The following ZNF235 variants were observed in gnomAD, a reference collection of about 807,000 sequenced individuals.
The protein encoded by ZNF235 is zinc finger protein 235.
A neutral mutation model predicts 29.4 loss-of-function variants in ZNF235; 25 were observed. The ratio of observed to expected loss-of-function variants is 0.85; its 90% confidence interval spans 0.62 to 1.19. The LOEUF is 1.19. ZNF235 is among the 50% of genes most tolerant of loss of function. ZNF235 has a pLI of 0.00. For synonymous variants in ZNF235, 300 were observed against 295.3 expected (o/e 1.02, Z -0.16); for missense variants, 788 against 885.0 (o/e 0.89, Z 1.39).
At chr19:44,304,399 G>A (rs1975799974) in intron 1 of ZNF235, among the ~76,000 whole-genome samples, 1 of 152,140 alleles carries the variant, frequency 6.6e-6, no homozygotes, top group African/African-American at 2.4e-5. Context: ...ACTAATTCCT[G>A]TCTCCTAAAC....
At position 44,295,766 on chromosome 19, in the gene ZNF235, G is replaced by A. The variant is rs149297857; in HGVS notation, c.238+3042C>T. 2.0e-5 allele frequency among the ~76,000 whole-genome samples: 3 copies of A among 152,210 alleles called. No individual in the cohort carries two copies. The East Asian group carries it at 5.8e-4, about 29-fold the overall frequency. ...ATACACAGATCAATGGAATAGAAAAGAGAACCCAGAAATAAGTCACATACC... is the reference window on the plus strand; with the variant it reads ...ATACACAGATCAATGGAATAGAAAAAAGAACCCAGAAATAAGTCACATACC... On this transcript the variant is annotated intron_variant, in intron 4 of 4. Transcript: ENST00000291182.
intron 2 of ZNF235, 132 bp downstream of exon 2, chr19:44,303,258 G>A (rs1426899957): frequency 1.3e-5 from 9 of 702,774 alleles, no homozygotes; most frequent in South Asian, 5.0e-5. Context: ...GAAATAAAAG[G>A]CAACAACCTG....
At chr19:44,295,692 A>T (rs1975645045) in intron 4 of ZNF235, among the ~76,000 whole-genome samples, 1 of 152,210 alleles carries the variant, frequency 6.6e-6, no homozygotes, top group South Asian at 2.1e-4. Context: ...TTCAAATTAC[A>T]CTACATGGCT....
rs61737033 is a variant in ZNF235, at chr19:44,287,977, T to C, written c.1458A>G (p.Pro486=). ...CCTTACCACACTCTTCACATTTATA[T>C]GGTTTTTCTCCTGTGTGGACTCGTT... ...SHQRVHTGEK[P]YKCEECGKGF... Residue 486 remains proline, a synonymous_variant, in exon 5 of 5, where the codon CCA becomes CCG. Coordinates refer to ENST00000291182, the MANE Select transcript of ZNF235 (RefSeq NM_004234.4). 28 of 1,614,022 alleles carry C rather than the reference T, an allele frequency of 1.7e-5. No homozygotes were observed. The African/African-American group carries it at 3.5e-4, about 20-fold the overall frequency.
intron 4 of ZNF235, among the ~76,000 whole-genome samples, chr19:44,293,372 AATAAG>A (rs1975611012): frequency 6.6e-6 from 1 of 152,106 alleles, no homozygotes; most frequent in South Asian, 2.1e-4. Flanking sequence ...TCAATAAACA[AATAAG>A]ATAACAATCC....
chr19:44,298,569 T>C (rs1037943194), intron 4 of ZNF235, among the ~76,000 whole-genome samples: 1 of 152,082 alleles, frequency 6.6e-6, no homozygotes, highest in Non-Finnish European at 1.5e-5. Context: ...TTTTTTTACA[T>C]TTTGTAGAGA....
intron 2 of ZNF235, among the ~76,000 whole-genome samples, chr19:44,302,976 A>ATG (rs1975767666): frequency 8.1e-6 from 1 of 123,066 alleles, no homozygotes; most frequent in African/African-American, 3.8e-5. Flanking sequence ...GTATATATGT[A>ATG]TATATTTATA....
intron 2 of ZNF235, among the ~76,000 whole-genome samples, chr19:44,301,923 T>C (rs549131036): frequency 5.3e-5 from 8 of 152,344 alleles, no homozygotes; most frequent in African/African-American, 1.7e-4. Context: ...AGCTGTTCCA[T>C]GGTGCAAATT....
chr19:44,304,970 C>T lies in ZNF235; in HGVS notation c.-49+1G>A, dbSNP rs1975810370. Reference sequence around the variant, plus strand: ...GTCTTGGAGACCCGGAGCTGACTCACCTCCCTGGGAGATATCTCAGATCCG... The same window carrying T: ...GTCTTGGAGACCCGGAGCTGACTCATCTCCCTGGGAGATATCTCAGATCCG... On this transcript the variant is annotated splice_donor_variant, in intron 1 of 4. Coordinates refer to ENST00000291182, the MANE Select transcript of ZNF235 (RefSeq NM_004234.4). LOFTEE classifies it low-confidence loss of function (5UTR_SPLICE). 1 of 982,556 alleles carries T rather than the reference C, an allele frequency of 1.0e-6. No homozygotes were observed. The highest frequency in any genetic ancestry group is 1.2e-6 in the Non-Finnish European group (1 of 827,276). 60.9% of individuals were successfully genotyped at this position (982,556 alleles called of 1,614,324 possible). A position where few individuals can be genotyped will look rare whatever the true frequency, so the allele number is the denominator to read the frequency against.
At chr19:44,301,868 CTCTT>C (rs1382373181) in intron 2 of ZNF235, among the ~76,000 whole-genome samples, 6 of 152,212 alleles carry the variant, frequency 3.9e-5, no homozygotes, top group Admixed American at 2.6e-4. Context: ...TCACACCTGT[CTCTT>C]TATGTTTAAA....
chr19:44,297,614 C>T (rs2123101678), intron 4 of ZNF235, among the ~76,000 whole-genome samples: 1 of 152,174 alleles, frequency 6.6e-6, no homozygotes, highest in South Asian at 2.1e-4. Context: ...CAGGCATGTG[C>T]CACCACGCCC....
At chr19:44,303,594 G>A (rs986046620) in intron 1 of ZNF235, 142 bp from the exon 2 acceptor site, 2 of 598,914 alleles carry the variant, frequency 3.3e-6, no homozygotes, top group Non-Finnish European at 5.5e-6. Context: ...ACGGGAGCTA[G>A]CTCCCAGCTA....
chr19:44,290,192 T>C (rs1299044659), intron 4 of ZNF235: 1 of 152,800 alleles, frequency 6.5e-6, no homozygotes, highest in Non-Finnish European at 1.5e-5. Context: ...GGATATGCCA[T>C]CCAGAAACCA....
Position 44,297,938 on chromosome 19 carries a change from G to T in ZNF235, c.238+870C>A, listed in dbSNP as rs1008100190. ...GTTCAAGAGCAGCCTGGGCAACATG[G>T]GGAAACCTCGTCTGTACAAAAAATA... On this transcript the variant is annotated intron_variant, in intron 4 of 4. Coordinates refer to ENST00000291182, the MANE Select transcript of ZNF235 (RefSeq NM_004234.4). 2.6e-5 allele frequency among the ~76,000 whole-genome samples: 4 copies of T among 152,118 alleles called. No homozygotes were observed. The East Asian group carries it at 7.8e-4, about 30-fold the overall frequency.
chr19:44,290,752 A>G (rs189900866), intron 4 of ZNF235: 92 of 160,144 alleles, frequency 5.7e-4, no homozygotes, highest in African/African-American at 2.0e-3. Context: ...ACCTCCACAA[A>G]ACCTATTATG....
rs539862603 is a variant in ZNF235, at chr19:44,298,443, T to C, written c.238+365A>G. Among the ~76,000 whole-genome samples the C allele has an allele frequency of 2.6e-5, 4 of 152,026 alleles. No individual in the cohort carries two copies. In the South Asian group the frequency reaches 8.3e-4, roughly 32 times the overall value. On this transcript the variant is annotated intron_variant, in intron 4 of 4. Transcript: ENST00000291182. ...ACAGAGTCTCGCTCTATCACCCAGGTTGCAATGCAGTAGCAGATCTCAGCT... is the reference window on the plus strand; with the variant it reads ...ACAGAGTCTCGCTCTATCACCCAGGCTGCAATGCAGTAGCAGATCTCAGCT...
At chr19:44,304,403 C>T (rs1001311658) in intron 1 of ZNF235, among the ~76,000 whole-genome samples, 2 of 152,160 alleles carry the variant, frequency 1.3e-5, no homozygotes, top group African/African-American at 4.8e-5. Flanking sequence ...ATTCCTGTCT[C>T]CTAAACAAGA....
At chr19:44,295,912 A>G (rs1239823289) in intron 4 of ZNF235, among the ~76,000 whole-genome samples, 1 of 152,164 alleles carries the variant, frequency 6.6e-6, no homozygotes, top group Non-Finnish European at 1.5e-5. Flanking sequence ...CCAGAGATCC[A>G]TAACAGATTC....
chr19:44,303,742 A>G (rs186668038), intron 1 of ZNF235, among the ~76,000 whole-genome samples: 1 of 152,242 alleles, frequency 6.6e-6, no homozygotes, highest in Non-Finnish European at 1.5e-5. Context: ...AGGGGAATGT[A>G]ACAGAGCCAA....
Sources: allele counts gnomAD v4.1 joint callset (sites outside exome capture counted in the v4.1 genomes callset), GRCh38; gene constraint gnomAD v4.1.1; transcripts MANE v1.5; gene names NCBI Gene and HGNC (gene_info 2026-07-23, HGNC 2026-07-21).